Variants in SLC12A2 observed in about 807,000 individuals in gnomAD.
The protein encoded by SLC12A2 is Na-K-2Cl cotransporter 1.
Under a neutral mutation model 136.3 loss-of-function variants are expected in SLC12A2, and 67 were observed. The observed-to-expected ratio is 0.49, with a 90% CI of 0.40 to 0.60. The LOEUF (loss-of-function observed/expected upper bound fraction) is 0.60, where lower values mean the gene tolerates loss of function less well. Among genes scored for constraint, SLC12A2 ranks in the 20% least tolerant of loss-of-function variants. The pLI is 0.00. For missense variants in SLC12A2, 1,322 were observed against 1,534.7 expected (o/e 0.86, Z 2.32); for synonymous variants, 619 against 562.9 (o/e 1.10, Z -1.41).
chr5:128,184,657 A>G, intron 25 of SLC12A2, 132 bp from the exon 26 acceptor site: 1 of 1,470,466 alleles, frequency 6.8e-7, no homozygotes, highest in Non-Finnish European at 9.2e-7. Context: ...TAAAAAAAAT[A>G]AAAATAGAGA....
intron 18 of SLC12A2, 89 bp downstream of exon 18, chr5:128,167,956 A>G (rs1278535981): frequency 2.9e-6 from 2 of 685,504 alleles, no homozygotes; most frequent in Non-Finnish European, 4.8e-6. Context: ...TGTTTCTCAT[A>G]TAGTCTCTTG....
chr5:128,127,411 G>A (rs553491417), intron 4 of SLC12A2, among the ~76,000 whole-genome samples: 64 of 152,148 alleles, frequency 4.2e-4, no homozygotes, highest in African/African-American at 1.5e-3. Context: ...GTGAGCCACC[G>A]TGCCTAGCCT....
chr5:128,165,706 A>G (rs1269609302), intron 17 of SLC12A2, among the ~76,000 whole-genome samples: 1 of 152,200 alleles, frequency 6.6e-6, no homozygotes, highest in African/African-American at 2.4e-5. Flanking sequence ...AAGTTATTGC[A>G]GTAACAAAAT....
Position 128,084,542 on chromosome 5 carries a change from C to T in SLC12A2, c.588C>T (p.His196=). The part of the protein sequence containing the change: ...HSGGGGGSGH[H]QHYYYDTHTN... ...GCGGCGGCGGCGGCAGTGGGCACCA[C>T]CAGCACTACTATTATGATACCCACA... Residue 196 remains histidine, a synonymous_variant, in exon 1 of 27, where the codon CAC becomes CAT. Coordinates refer to ENST00000262461, the MANE Select transcript of SLC12A2 (RefSeq NM_001046.3). The surrounding 1 kb of genome is among the most constrained non-coding windows in gnomAD (Gnocchi z 5.6). The T allele has an allele frequency of 6.2e-7, 1 of 1,613,702 alleles. No individual in the cohort carries two copies. The highest frequency in any genetic ancestry group is 8.5e-7 in the Non-Finnish European group (1 of 1,179,996).
rs182701099 is a variant in SLC12A2, at chr5:128,113,952, G to A, written c.877-260G>A. 2.6e-5 allele frequency among the ~76,000 whole-genome samples: 4 copies of A among 152,222 alleles called. No homozygotes were observed. The East Asian group carries it at 7.7e-4, about 29-fold the overall frequency. Reference sequence around the variant, plus strand: ...TCTTTCTTGTTCTGTTGCTTCTGCTGCTTCACACAATTGTGATGAGTGCAT... The same window carrying A: ...TCTTTCTTGTTCTGTTGCTTCTGCTACTTCACACAATTGTGATGAGTGCAT... On this transcript the variant is annotated intron_variant, in intron 2 of 26. Coordinates refer to ENST00000262461, the MANE Select transcript of SLC12A2 (RefSeq NM_001046.3).
chr5:128,145,269 A>G (rs1762494811), intron 10 of SLC12A2, among the ~76,000 whole-genome samples: 1 of 152,082 alleles, frequency 6.6e-6, no homozygotes, highest in Non-Finnish European at 1.5e-5. Flanking sequence ...TTACTCCTAC[A>G]ATGCAGAATG....
chr5:128,149,889 G>A, intron 12 of SLC12A2, 108 bp from the exon 13 acceptor site: 1 of 753,226 alleles, frequency 1.3e-6, no homozygotes, highest in Non-Finnish European at 2.3e-6. Context: ...AAAGCTGGAT[G>A]GTGGTTATGG....
rs912070089 is a variant in SLC12A2 at position 128,084,349 on chromosome 5, G to A, written c.395G>A (p.Ser132Asn). The A allele has an allele frequency of 1.5e-5, 24 of 1,591,292 alleles. No homozygotes were observed. The highest frequency in any genetic ancestry group is 2.0e-5 in the Non-Finnish European group (24 of 1,172,526). The change falls in exon 1 of 27, where the codon AGC (serine) becomes AAC (asparagine). Residue 132 changes from serine (S) to asparagine (N), a missense_variant. Ser to Asn is a conservative substitution (Grantham distance 46). Transcript: ENST00000262461. The surrounding 1 kb of genome is among the most constrained non-coding windows in gnomAD (Gnocchi z 5.6). Reference protein sequence around the residue: ...ASGESEPAKGSEEAKGRFRVN... With the variant: ...ASGESEPAKGNEEAKGRFRVN... ...GGCGAGAGCGAGCCGGCTAAAGGCA[G>A]CGAGGAAGCCAAGGGCCGCTTCCGC...
intron 4 of SLC12A2, among the ~76,000 whole-genome samples, chr5:128,118,965 A>T (rs1005396124): frequency 7.2e-5 from 11 of 152,156 alleles, no homozygotes; most frequent in African/African-American, 2.4e-4. Context: ...GCTCGAAAAA[A>T]GATGGAGAGG....
At chr5:128,106,432 A>G (rs1363129891) in intron 1 of SLC12A2, among the ~76,000 whole-genome samples, 3 of 152,194 alleles carry the variant, frequency 2.0e-5, no homozygotes, top group Non-Finnish European at 4.4e-5. Context: ...AACAAATTTA[A>G]AGAAACAAAA....
rs771335826 is a variant in SLC12A2 at position 128,134,179 on chromosome 5, T to A, written c.1203T>A (p.Leu401=). 6.4e-7 allele frequency: 1 copy of A among 1,569,522 alleles called. No individual in the cohort carries two copies. The highest frequency in any genetic ancestry group is 2.2e-5 in the East Asian group (1 of 44,506). The change falls in exon 6 of 27, where the codon CTT becomes CTA. Residue 401 remains leucine, a synonymous_variant. Coordinates refer to ENST00000262461, the MANE Select transcript of SLC12A2 (RefSeq NM_001046.3). ...VVELLKEHSI[L]MIDEINDIRI... is the part of the protein sequence containing the mutation. ...CCTTTTTCTAGGAACATTCCATACT[T>A]ATGATAGATGAAATCAATGATATCC...
intron 12 of SLC12A2, among the ~76,000 whole-genome samples, chr5:128,149,730 C>T (rs1762639505): frequency 1.3e-5 from 2 of 151,808 alleles, no homozygotes; most frequent in Non-Finnish European, 3.0e-5. Context: ...CGATACATGT[C>T]ATAAAACTAT....
chr5:128,186,585 T>C lies in SLC12A2; in HGVS notation c.3593T>C (p.Leu1198Pro). Reference sequence around the variant, plus strand: ...CTATCTAAGGACCTACCACCAATCCTCCTAGTTCGTGGGAATCATCAGAGT... The same window carrying C: ...CTATCTAAGGACCTACCACCAATCCCCCTAGTTCGTGGGAATCATCAGAGT... Reference protein sequence around the residue: ...EALSKDLPPILLVRGNHQSVL... With the variant: ...EALSKDLPPIPLVRGNHQSVL... The change falls in exon 27 of 27, where the codon CTC becomes CCC. Residue 1198 changes from leucine (L) to proline (P), a missense_variant. By Grantham distance (98) the Leu-to-Pro change is moderately conservative. Coordinates refer to ENST00000262461, the MANE Select transcript of SLC12A2 (RefSeq NM_001046.3). The C allele has an allele frequency of 6.2e-6, 10 of 1,613,810 alleles. No individual in the cohort carries two copies. The highest frequency in any genetic ancestry group is 8.5e-6 in the Non-Finnish European group (10 of 1,179,890).
At chr5:128,163,492 G>A (rs564184049) in intron 17 of SLC12A2, among the ~76,000 whole-genome samples, 1 of 152,060 alleles carries the variant, frequency 6.6e-6, no homozygotes, top group Admixed American at 6.5e-5. Context: ...TCATGCCACC[G>A]CACTCCAGTT....
At chr5:128,110,088 A>T in intron 1 of SLC12A2, 1 of 948,842 alleles carries the variant, frequency 1.1e-6, no homozygotes, top group Non-Finnish European at 1.8e-6. Context: ...AGTTTATATC[A>T]AGTCTCATGG....
intron 19 of SLC12A2, among the ~76,000 whole-genome samples, chr5:128,173,497 T>G (rs758069091): frequency 2.0e-4 from 31 of 152,254 alleles, no homozygotes; most frequent in African/African-American, 3.1e-4. Context: ...AATGCCTTAT[T>G]ATTCATCATT....
At chr5:128,185,098 T>G (rs1561710663) in intron 26 of SLC12A2, among the ~76,000 whole-genome samples, 1 of 152,202 alleles carries the variant, frequency 6.6e-6, no homozygotes, top group Non-Finnish European at 1.5e-5. Flanking sequence ...TGGAACCTTT[T>G]GTTTACCCTT....
chr5:128,084,339 G>C lies in SLC12A2; in HGVS notation c.385G>C (p.Ala129Pro). Reference protein sequence around the residue: ...DGEASGESEPAKGSEEAKGRF... With the variant: ...DGEASGESEPPKGSEEAKGRF... ...GGAAGCCAGCGGCGAGAGCGAGCCG[G>C]CTAAAGGCAGCGAGGAAGCCAAGGG... The change falls in exon 1 of 27, where the codon GCT becomes CCT. Residue 129 changes from alanine to proline, a missense_variant. Ala to Pro is a conservative substitution (Grantham distance 27). Coordinates refer to ENST00000262461, the MANE Select transcript of SLC12A2 (RefSeq NM_001046.3). The surrounding 1 kb of genome is among the most constrained non-coding windows in gnomAD (Gnocchi z 5.6). 1 of 1,581,214 alleles carries C rather than the reference G, an allele frequency of 6.3e-7. No homozygotes were observed. Among genetic ancestry groups the C allele is most frequent in the Non-Finnish European group, 8.6e-7 (1 of 1,168,244 alleles).
intron 16 of SLC12A2, among the ~76,000 whole-genome samples, chr5:128,159,547 C>T (rs1581122758): frequency 1.3e-5 from 2 of 151,992 alleles, no homozygotes; most frequent in East Asian, 3.9e-4. Flanking sequence ...GGAACTTAAA[C>T]AAATTTACAA....
Sources: gnomAD v4.1 joint callset for allele counts (sites outside exome capture counted in the v4.1 genomes callset) on GRCh38, gnomAD v4.1.1 for gene constraint, Gnocchi (gnomAD v3.1) non-coding constraint, MANE v1.5 for transcripts, NCBI Gene and HGNC (gene_info 2026-07-23, HGNC 2026-07-21) for gene names.